VSX1: variants seen among roughly 807,000 people sequenced by gnomAD.
The protein encoded by VSX1 is visual system homeobox 1, also known as homeodomain protein RINX.
VSX1 carries 23 observed loss-of-function variants against 23.6 expected under a neutral mutation model. The observed-to-expected ratio is 0.97, with a 90% CI of 0.70 to 1.38. The LOEUF (loss-of-function observed/expected upper bound fraction) is 1.38, where lower values mean the gene tolerates loss of function less well. VSX1 is among the 40% of genes most tolerant of loss of function. The probability of loss-of-function intolerance (pLI) is 0.00; values close to 1 mark genes in which losing one functional copy is unlikely to be tolerated. For synonymous variants in VSX1, 247 were observed against 215.1 expected, an observed-to-expected ratio of 1.15 and a Z score of -1.30; for missense variants, 517 against 495.4, an observed-to-expected ratio of 1.04 and a Z score of -0.41.
Position 25,077,804 on chromosome 20 carries a change from C to G in VSX1, c.689G>C (p.Ser230Thr). 1 of 1,551,370 alleles carries G rather than the reference C, an allele frequency of 6.4e-7. No homozygotes were observed. Among genetic ancestry groups the G allele is most frequent in the Non-Finnish European group, 8.7e-7 (1 of 1,147,082 alleles). ...GTACAGCCCGTACTCGGCCATCACG[C>G]TGCTGCCGCCCCAGCGCTTCTCCCG... ...RKREKRWGGS[S>T]VMAEYGLYGA... The change falls in exon 4 of 5, where the codon AGC becomes ACC. Residue 230 changes from serine to threonine, a missense_variant. Ser to Thr is a moderately conservative substitution (Grantham distance 58, BLOSUM62 1). Transcript: ENST00000376709.
At chr20:25,077,997 A>G (rs1052597224) in intron 3 of VSX1, 132 bp from the exon 4 acceptor site, 2 of 1,287,086 alleles carry the variant, frequency 1.6e-6, no homozygotes, top group Non-Finnish European at 2.2e-6. Context: ...TCTGAAGGAA[A>G]TAGCTCCCGA....
chr20:25,073,162 A>G (rs533681361), downstream of VSX1, among the ~76,000 whole-genome samples: 1 of 152,250 alleles, frequency 6.6e-6, no homozygotes, highest in Non-Finnish European at 1.5e-5. Flanking sequence ...TTTTCATATG[A>G]TATTTTTAAA....
rs200332580 is a variant in VSX1, at chr20:25,076,560, A to C, written c.809-10T>G. 2 of 1,586,656 alleles carry C rather than the reference A, an allele frequency of 1.3e-6. No individual in the cohort carries two copies. Among genetic ancestry groups the C allele is most frequent in the Non-Finnish European group, 1.7e-6 (2 of 1,172,284 alleles). On this transcript the variant is annotated splice_polypyrimidine_tract_variant and intron_variant, in intron 4 of 4. Coordinates refer to ENST00000376709, the MANE Select transcript of VSX1 (RefSeq NM_014588.6). ...GATTTTTTATGCATCCCTTGTAAAA[A>C]AAAAAATAAAAAGGAAAAAATAAAA...
downstream of VSX1, chr20:25,071,462 C>A (rs1217631729): frequency 2.2e-6 from 1 of 453,196 alleles, no homozygotes; most frequent in Non-Finnish European, 4.4e-6. Context: ...CAGAGTGAGA[C>A]CCTGCCCTAA....
rs1226355345 is a variant in VSX1 at position 25,081,940 on chromosome 20, A to T, written c.157T>A (p.Ser53Thr). 1 of 1,532,068 alleles carries T rather than the reference A, an allele frequency of 6.5e-7. No individual in the cohort carries two copies. Among genetic ancestry groups the T allele is most frequent in the South Asian group, 1.2e-5 (1 of 83,896 alleles). 94.9% of individuals were successfully genotyped at this position (1,532,068 alleles called of 1,614,324 possible). ...GCGACTGCCGGACCCTCGCAGCCAG[A>T]TCCCTGTCCTGGGCCAGCGGGCGCC... ...LPAPAGPGQG[S>T]GCEGPAVAPC... The change falls in exon 1 of 5, where the codon TCT becomes ACT. Residue 53 changes from serine to threonine, a missense_variant. By Grantham distance (58) the Ser-to-Thr change is moderately conservative. Transcript: ENST00000376709.
chr20:25,076,660 C>A, intron 4 of VSX1, 110 bp from the exon 5 acceptor site: 1 of 1,295,914 alleles, frequency 7.7e-7, no homozygotes, highest in Non-Finnish European at 1.0e-6. Flanking sequence ...TTGTCCTTGT[C>A]AGTGCCTATC....
intron 1 of VSX1, among the ~76,000 whole-genome samples, chr20:25,080,632 T>G (rs974599218): frequency 6.6e-6 from 1 of 152,280 alleles, no homozygotes; most frequent in Non-Finnish European, 1.5e-5. Context: ...TGGACAGCTC[T>G]GCTCCAGACT....
chr20:25,080,572 T>C (rs1020552046), intron 1 of VSX1, among the ~76,000 whole-genome samples: 4 of 152,276 alleles, frequency 2.6e-5, no homozygotes, highest in African/African-American at 9.6e-5. Context: ...TCACTTTTAA[T>C]GTGACTGTGA....
At chr20:25,077,944 C>T (rs2084085744) in intron 3 of VSX1, 79 bp from the exon 4 acceptor site, 1 of 1,498,952 alleles carries the variant, frequency 6.7e-7, no homozygotes, top group Non-Finnish European at 9.1e-7. Flanking sequence ...AGGCGGCGTC[C>T]CAGGGCTCGG....
downstream of VSX1, among the ~76,000 whole-genome samples, chr20:25,073,384 G>A (rs866768105): frequency 6.6e-6 from 1 of 151,878 alleles, no homozygotes; most frequent in African/African-American, 2.4e-5. Context: ...CTTTATGCAC[G>A]TTTCTTGTTT....
In VSX1 at chr20:25,076,268, G is replaced by A; in HGVS notation, c.1091C>T (p.Ala364Val). The change falls in exon 5 of 5, where the codon GCC (alanine) becomes GTC (valine). Residue 364 changes from alanine to valine, a missense_variant. Ala to Val is a moderately conservative substitution (Grantham distance 64). Coordinates refer to ENST00000376709, the MANE Select transcript of VSX1 (RefSeq NM_014588.6). ...CAGTGGGACCTGTGGGTCTCATGTG[G>A]CTCCCACCTTCCCTGGCTGGGGCCC... is the stretch of plus-strand genomic sequence containing the variant. Reference protein sequence around the residue: ...LEGPQPGKVGAT With the variant: ...LEGPQPGKVGVT 1.2e-6 allele frequency: 2 copies of A among 1,614,138 alleles called. No individual in the cohort carries two copies. Among genetic ancestry groups the A allele is most frequent in the Non-Finnish European group, 8.5e-7 (1 of 1,180,048 alleles).
downstream of VSX1, among the ~76,000 whole-genome samples, chr20:25,073,090 A>T (rs1280355938): frequency 2.6e-5 from 4 of 152,196 alleles, no homozygotes; most frequent in Non-Finnish European, 5.9e-5. Flanking sequence ...CCATCCTCAG[A>T]TTGGCACTGT....
intron 3 of VSX1, chr20:25,078,547 CTTT>C (rs5841049): frequency 4.7e-4 from 541 of 1,148,144 alleles, no homozygotes; most frequent in Middle Eastern, 2.0e-3. Flanking sequence ...GAGGTAGTCT[CTTT>C]TTTTTTTTTT....
downstream of VSX1, among the ~76,000 whole-genome samples, chr20:25,073,570 G>T (rs899078145): frequency 6.6e-6 from 1 of 152,214 alleles, no homozygotes; most frequent in African/African-American, 2.4e-5. Context: ...GGTGAATTTT[G>T]ATTGGACTAA....
At chr20:25,073,022 G>C (rs113446616), downstream of VSX1, among the ~76,000 whole-genome samples, 5 of 152,292 alleles carry the variant, frequency 3.3e-5, 1 homozygote, top group East Asian at 7.7e-4. Context: ...CCAATCTGAC[G>C]TGCTGGGGGA....
At chr20:25,073,185 T>C (rs2089416169), downstream of VSX1, among the ~76,000 whole-genome samples, 1 of 152,134 alleles carries the variant, frequency 6.6e-6, no homozygotes, top group Non-Finnish European at 1.5e-5. Flanking sequence ...CGTTTTTGTC[T>C]CATGTGAATT....
rs948053874 is a variant in VSX1 at position 25,077,698 on chromosome 20, C to A, written c.795G>T (p.Ala265=). 5 of 1,548,808 alleles carry A rather than the reference C, an allele frequency of 3.2e-6. No individual in the cohort carries two copies. The highest frequency in any genetic ancestry group is 4.4e-6 in the Non-Finnish European group (5 of 1,146,784). The part of the protein sequence containing the change: ...SAEGGLLGSC[A]PWLLGMHKKS... The stretch of plus-strand genomic sequence containing the variant: ...GCCCTTCCTTACCCAGGAGCCAGGG[C>A]GCGCAGGAGCCCAGCAGGCCGCCCT... Residue 265 remains alanine, a synonymous_variant, in exon 4 of 5, where the codon GCG becomes GCT. Transcript: ENST00000376709.
intron 1 of VSX1, among the ~76,000 whole-genome samples, chr20:25,080,910 A>G (rs1226779732): frequency 6.6e-6 from 1 of 152,034 alleles, no homozygotes; most frequent in Non-Finnish European, 1.5e-5. Context: ...ACCACATACC[A>G]TCCTTTCTTG....
At chr20:25,074,868 A>G (rs918157304), downstream of VSX1, among the ~76,000 whole-genome samples, 8 of 152,222 alleles carry the variant, frequency 5.3e-5, no homozygotes, top group African/African-American at 1.9e-4. Context: ...GCCTGGAGCC[A>G]GGGCTGCTGT....
Sources: gnomAD v4.1 joint callset for allele counts (sites outside exome capture counted in the v4.1 genomes callset) on GRCh38, gnomAD v4.1.1 for gene constraint, MANE v1.5 for transcripts, NCBI Gene and HGNC (gene_info 2026-07-23, HGNC 2026-07-21) for gene names.